Variants in PPP2R2B observed in about 807,000 individuals in gnomAD.
PPP2R2B encodes the protein protein phosphatase 2 regulatory subunit Bbeta.
A neutral mutation model predicts 46.0 loss-of-function variants in PPP2R2B; 5 were observed. That is an observed-to-expected ratio of 0.11 (90% CI 0.06 to 0.23). The LOEUF is 0.23. PPP2R2B is among the 10% of genes least tolerant of loss of function. PPP2R2B has a pLI of 1.00. For missense variants in PPP2R2B, 367 were observed against 575.0 expected (o/e 0.64, Z 3.70); for synonymous variants, 215 against 206.7 (o/e 1.04, Z -0.34).
intron 1 of PPP2R2B, among the ~76,000 whole-genome samples, chr5:146,974,897 G>C (rs1752829336): frequency 6.6e-6 from 1 of 151,862 alleles, no homozygotes; most frequent in African/African-American, 2.4e-5. Flanking sequence ...CACCATGTTA[G>C]CCAGGATGGT....
chr5:147,034,430 A>G (rs1197747816), intron 1 of PPP2R2B, among the ~76,000 whole-genome samples: 1 of 152,216 alleles, frequency 6.6e-6, no homozygotes, highest in Admixed American at 6.5e-5. Flanking sequence ...TAATAAAATA[A>G]TGACCCATAG....
At chr5:146,667,332 G>GCGCACACACA (rs1239646840) in intron 5 of PPP2R2B, among the ~76,000 whole-genome samples, 3 of 32,008 alleles carry the variant, frequency 9.4e-5, no homozygotes, top group African/African-American at 2.8e-4. Context: ...GCGTGCGCGC[G>GCGCACACACA]CACACACACA....
intron 7 of PPP2R2B, among the ~76,000 whole-genome samples, chr5:146,637,183 T>TC (rs1450254246): frequency 6.6e-6 from 1 of 152,236 alleles, no homozygotes; most frequent in East Asian, 1.9e-4. Flanking sequence ...CCCTCAGAGT[T>TC]CTTTATTGTA....
Position 146,697,963 on chromosome 5 carries a change from C to G in PPP2R2B, c.334+16G>C, listed in dbSNP as rs6879694. 11 of 1,598,662 alleles carry G rather than the reference C, an allele frequency of 6.9e-6. No individual in the cohort carries two copies. Among genetic ancestry groups the G allele is most frequent in the Admixed American group, 1.7e-5 (1 of 57,528 alleles). ...CGACTGTATCTCTGAAAATACCAAA[C>G]AGGAATTCCACCTACCATTAGTAGA... On this transcript the variant is annotated intron_variant, in intron 4 of 9. Transcript: ENST00000394411.
intron 2 of PPP2R2B, among the ~76,000 whole-genome samples, chr5:146,726,946 A>T (rs1211732390): frequency 1.3e-5 from 2 of 152,142 alleles, no homozygotes; most frequent in African/African-American, 4.8e-5. Flanking sequence ...TTATGGTAAG[A>T]TTTCTCCTGG....
chr5:146,736,652 G>C (rs934455516), intron 2 of PPP2R2B, among the ~76,000 whole-genome samples: 24 of 152,022 alleles, frequency 1.6e-4, no homozygotes, highest in African/African-American at 5.8e-4. Flanking sequence ...CCCTTTCCTA[G>C]GTGTGTACAT....
intron 1 of PPP2R2B, among the ~76,000 whole-genome samples, chr5:146,926,034 G>T (rs1477116048): frequency 1.3e-5 from 2 of 151,878 alleles, no homozygotes; most frequent in Non-Finnish European, 1.5e-5. Context: ...TTGATCTCTT[G>T]TTACCCCACT....
intron 1 of PPP2R2B, among the ~76,000 whole-genome samples, chr5:146,956,023 T>A (rs981190923): frequency 6.6e-6 from 1 of 151,908 alleles, no homozygotes; most frequent in Non-Finnish European, 1.5e-5. Flanking sequence ...ATGATCCACC[T>A]ACCTCGGCTT....
chr5:146,818,665 A>T (rs1054908956), intron 2 of PPP2R2B, among the ~76,000 whole-genome samples: 13 of 152,122 alleles, frequency 8.5e-5, no homozygotes, highest in African/African-American at 3.1e-4. Context: ...CATTTTTTCT[A>T]CTTTACAGAT....
intron 6 of PPP2R2B, among the ~76,000 whole-genome samples, chr5:146,639,572 CCAGCAACA>C (rs1271156008): frequency 6.6e-6 from 1 of 152,042 alleles, no homozygotes; most frequent in East Asian, 1.9e-4. Context: ...GTCTGAGGAC[CCAGCAACA>C]TCCTGCAAAG....
At chr5:146,936,373 G>A (rs1394544521) in intron 1 of PPP2R2B, among the ~76,000 whole-genome samples, 1 of 151,550 alleles carries the variant, frequency 6.6e-6, no homozygotes, top group East Asian at 1.9e-4. Flanking sequence ...CTCTGAGTGG[G>A]CATAAGAAGT....
intron 2 of PPP2R2B, among the ~76,000 whole-genome samples, chr5:146,825,482 G>T (rs1758521595): frequency 6.6e-6 from 1 of 152,186 alleles, no homozygotes; most frequent in South Asian, 2.1e-4. Context: ...TGAGGTACAT[G>T]AATTTGCACT....
Position 146,878,479 on chromosome 5 carries a change from A to C in PPP2R2B, c.-125+112T>G. 1 of 1,350,452 alleles carries C rather than the reference A, an allele frequency of 7.4e-7. No individual in the cohort carries two copies. Among genetic ancestry groups the C allele is most frequent in the Non-Finnish European group, 9.6e-7 (1 of 1,046,674 alleles). 83.7% of individuals were successfully genotyped at this position (1,350,452 alleles called of 1,614,324 possible). ...TTCCCCTCCTTGGCAGCCGCTCCAA[A>C]ATGCAAAAAAGATCCCTCCTCCCCC... On this transcript the variant is annotated intron_variant, in intron 1 of 9. Transcript: ENST00000394411. The surrounding 1 kb of genome is among the most constrained non-coding windows in gnomAD (Gnocchi z 4.5).
At chr5:147,020,661 A>T (rs1449200689) in intron 1 of PPP2R2B, among the ~76,000 whole-genome samples, 3 of 152,134 alleles carry the variant, frequency 2.0e-5, no homozygotes, top group African/African-American at 2.4e-5. Flanking sequence ...TTTGATAGAG[A>T]TTGACAGAGA....
chr5:146,653,872 C>T (rs555324810), intron 5 of PPP2R2B, among the ~76,000 whole-genome samples: 17 of 152,188 alleles, frequency 1.1e-4, no homozygotes, highest in Non-Finnish European at 2.1e-4. Context: ...GAATGCCGCT[C>T]GTGGTATTCC....
chr5:146,780,293 T>C (rs1434373899), intron 2 of PPP2R2B, among the ~76,000 whole-genome samples: 2 of 152,178 alleles, frequency 1.3e-5, no homozygotes, highest in South Asian at 2.1e-4. Context: ...ATTTTATACA[T>C]TAAATTATTT....
chr5:146,782,009 A>G (rs1034419447), intron 2 of PPP2R2B, among the ~76,000 whole-genome samples: 2 of 152,166 alleles, frequency 1.3e-5, no homozygotes, highest in South Asian at 2.1e-4. Flanking sequence ...TGTTGTCACG[A>G]TAATAAGCTC....
At chr5:146,623,826 G>A (rs1426721256) in intron 7 of PPP2R2B, among the ~76,000 whole-genome samples, 1 of 152,194 alleles carries the variant, frequency 6.6e-6, no homozygotes, top group African/African-American at 2.4e-5. Flanking sequence ...TAATTCAGCA[G>A]ATAAAGAGAC....
intron 1 of PPP2R2B, among the ~76,000 whole-genome samples, chr5:146,895,005 A>G (rs1269506520): frequency 6.6e-6 from 1 of 152,222 alleles, no homozygotes; most frequent in Non-Finnish European, 1.5e-5. Flanking sequence ...GAATGAATCA[A>G]ATAATGAATA....
Sources: gnomAD v4.1 joint callset for allele counts (sites outside exome capture counted in the v4.1 genomes callset) on GRCh38, gnomAD v4.1.1 for gene constraint, Gnocchi (gnomAD v3.1) non-coding constraint, MANE v1.5 for transcripts, NCBI Gene and HGNC (gene_info 2026-07-23, HGNC 2026-07-21) for gene names.